The following GPR141 variants were observed in gnomAD, a reference collection of about 807,000 sequenced individuals.
GPR141 encodes G protein-coupled receptor 141.
A neutral mutation model predicts 6.8 loss-of-function variants in GPR141; 6 were observed. The ratio of observed to expected loss-of-function variants is 0.88; its 90% CI spans 0.48 to 1.74. GPR141 has a LOEUF of 1.74. Among genes scored for constraint, GPR141 ranks in the 40% most tolerant of loss-of-function variants. GPR141 has a pLI of 0.01. For missense variants in GPR141, 372 were observed against 372.9 expected (o/e 1.00, Z 0.02); for synonymous variants, 140 against 142.3 (o/e 0.98, Z 0.11).
intron 2 of GPR141, among the ~76,000 whole-genome samples, chr7:37,691,258 T>C (rs548213280): frequency 0.017 from 2,470 of 149,540 alleles, 61 homozygotes; most frequent in Non-Finnish European, 0.022. Flanking sequence ...TTTTTTTTTT[T>C]TTTTTTAACC....
Position 37,741,066 on chromosome 7 carries a change from C to A in GPR141, c.673C>A (p.Leu225Met). 3.7e-6 allele frequency: 6 copies of A among 1,614,088 alleles called. No homozygotes were observed. Among genetic ancestry groups the A allele is most frequent in the Non-Finnish European group, 5.1e-6 (6 of 1,179,942 alleles). Residue 225 changes from leucine to methionine, a missense_variant, in exon 3 of 3, where the codon CTG becomes ATG. Transcript: ENST00000334425. The part of the protein sequence containing the change: ...LLSHQEFWAQ[L>M]KNLFFIGVIL... The stretch of plus-strand genomic sequence containing the variant: ...ATCCCACCAGGAGTTCTGGGCTCAG[C>A]TGAAAAACCTATTTTTTATAGGGGT...
At chr7:37,707,234 G>T (rs553939982) in intron 2 of GPR141, among the ~76,000 whole-genome samples, 13 of 152,216 alleles carry the variant, frequency 8.5e-5, no homozygotes, top group African/African-American at 2.4e-4. Flanking sequence ...GCTGAGAATG[G>T]TAATTTGCAC....
At chr7:37,718,520 GAAGA>G (rs777005714) in intron 2 of GPR141, among the ~76,000 whole-genome samples, 21,099 of 65,460 alleles carry the variant, frequency 0.32, 1,803 homozygotes, top group South Asian at 0.46. Context: ...TCGAAGGAAG[GAAGA>G]AAGGAAGGAA....
chr7:37,736,055 T>C (rs1812219913), intron 2 of GPR141, among the ~76,000 whole-genome samples: 1 of 152,016 alleles, frequency 6.6e-6, no homozygotes, highest in Non-Finnish European at 1.5e-5. Flanking sequence ...GGTCAGGAGT[T>C]TGAGACCAGA....
intron 2 of GPR141, among the ~76,000 whole-genome samples, chr7:37,707,539 C>T (rs1190678025): frequency 6.6e-6 from 1 of 152,192 alleles, no homozygotes; most frequent in Non-Finnish European, 1.5e-5. Context: ...AAGCATTTAT[C>T]AAGTGTACAC....
intron 2 of GPR141, among the ~76,000 whole-genome samples, chr7:37,706,841 T>C (rs1810545666): frequency 6.6e-6 from 1 of 152,204 alleles, no homozygotes; most frequent in African/African-American, 2.4e-5. Flanking sequence ...ATATAAATCG[T>C]AATGATTGAC....
chr7:37,693,410 G>A (rs1809872247), intron 2 of GPR141, among the ~76,000 whole-genome samples: 1 of 152,190 alleles, frequency 6.6e-6, no homozygotes, highest in African/African-American at 2.4e-5. Flanking sequence ...CTGTAGCCTT[G>A]TAGTATAGTT....
intron 2 of GPR141, among the ~76,000 whole-genome samples, chr7:37,694,916 G>C (rs922538372): frequency 2.0e-5 from 3 of 152,126 alleles, no homozygotes; most frequent in Non-Finnish European, 4.4e-5. Context: ...CCTAAGGCTA[G>C]AGCTCAGTGA....
chr7:37,723,363 T>C (rs978651207), intron 2 of GPR141, among the ~76,000 whole-genome samples: 1 of 148,924 alleles, frequency 6.7e-6, no homozygotes, highest in African/African-American at 2.5e-5. Context: ...ATATAAAAAA[T>C]ACCAGAAACA....
intron 2 of GPR141, among the ~76,000 whole-genome samples, chr7:37,717,959 T>G (rs1811127572): frequency 6.6e-6 from 1 of 152,220 alleles, no homozygotes; most frequent in Admixed American, 6.5e-5. Context: ...TCTAATTGCC[T>G]TGCGAAGTAT....
intron 2 of GPR141, among the ~76,000 whole-genome samples, chr7:37,695,209 C>A (rs1809960233): frequency 6.6e-6 from 1 of 152,158 alleles, no homozygotes; most frequent in Non-Finnish European, 1.5e-5. Context: ...TTTCAGGCCA[C>A]AGAATGGGGG....
chr7:37,739,876 T>G (rs1812440574), intron 2 of GPR141, among the ~76,000 whole-genome samples: 1 of 152,172 alleles, frequency 6.6e-6, no homozygotes, highest in Non-Finnish European at 1.5e-5. Flanking sequence ...GATGGTATTT[T>G]TGGTCAAATT....
At chr7:37,726,166 A>G (rs188576453) in intron 2 of GPR141, among the ~76,000 whole-genome samples, 1 of 152,334 alleles carries the variant, frequency 6.6e-6, no homozygotes, top group East Asian at 1.9e-4. Context: ...GACTGTAGGA[A>G]GTGAGATCAA....
intron 2 of GPR141, among the ~76,000 whole-genome samples, chr7:37,733,863 T>C (rs1212842719): frequency 6.6e-6 from 1 of 152,158 alleles, no homozygotes; most frequent in African/African-American, 2.4e-5. Flanking sequence ...ATACGTTGGA[T>C]ATTTATCTCA....
At chr7:37,686,194 G>T (rs1163843832) in intron 2 of GPR141, among the ~76,000 whole-genome samples, 3 of 149,642 alleles carry the variant, frequency 2.0e-5, no homozygotes, top group Non-Finnish European at 4.4e-5. Context: ...TAGAGAGGGG[G>T]TCTCACTATG....
chr7:37,698,114 C>T (rs187299488), intron 2 of GPR141, among the ~76,000 whole-genome samples: 1 of 152,280 alleles, frequency 6.6e-6, no homozygotes, highest in East Asian at 1.9e-4. Context: ...TGATGATTCT[C>T]TCTGCTATTG....
Position 37,712,641 on chromosome 7 carries a change from G to A in GPR141, c.-15+27058G>A, listed in dbSNP as rs189465914. 5.6e-4 allele frequency among the ~76,000 whole-genome samples: 86 copies of A among 152,268 alleles called. No homozygotes were observed. The East Asian group carries it at 0.014, about 25-fold the overall frequency. On this transcript the variant is annotated intron_variant, in intron 2 of 2. Coordinates refer to ENST00000334425, the MANE Select transcript of GPR141 (RefSeq NM_001381946.1). ...ATGAGAAACAGTGGCTGCCCTTCTG[G>A]TGGCAATGCATGAGCAGATGGGGAC...
intron 2 of GPR141, among the ~76,000 whole-genome samples, chr7:37,702,739 A>AAAAT (rs889735975): frequency 4.0e-5 from 6 of 149,634 alleles, no homozygotes; most frequent in African/African-American, 9.7e-5. Context: ...AGTATAATAA[A>AAAAT]AAATAAATAA....
At chr7:37,704,956 ACT>A (rs1165895054) in intron 2 of GPR141, among the ~76,000 whole-genome samples, 1 of 152,048 alleles carries the variant, frequency 6.6e-6, no homozygotes, top group African/African-American at 2.4e-5. Context: ...ACACTAACTG[ACT>A]CTGCCTCAAA....
Sources: gnomAD v4.1 joint callset for allele counts (sites outside exome capture counted in the v4.1 genomes callset) on GRCh38, gnomAD v4.1.1 for gene constraint, MANE v1.5 for transcripts, NCBI Gene and HGNC (gene_info 2026-07-23, HGNC 2026-07-21) for gene names.